DEPDC1B: variants seen among roughly 807,000 people sequenced by gnomAD.
DEPDC1B encodes DEP domain containing 1B.
Under a neutral mutation model 66.5 loss-of-function variants are expected in DEPDC1B, and 51 were observed. The observed-to-expected ratio is 0.77, with a 90% CI of 0.61 to 0.97. The LOEUF is 0.97. DEPDC1B is among the 50% of genes least tolerant of loss of function. DEPDC1B has a pLI of 0.00. For missense variants in DEPDC1B, 552 were observed against 637.1 expected (o/e 0.87, Z 1.44); for synonymous variants, 226 against 223.6 (o/e 1.01, Z -0.10).
At chr5:60,617,007 T>C (rs561280709) in intron 7 of DEPDC1B, among the ~76,000 whole-genome samples, 1 of 152,286 alleles carries the variant, frequency 6.6e-6, no homozygotes, top group East Asian at 1.9e-4. Context: ...GAAAGAATTT[T>C]CAACCCAGAA....
intron 2 of DEPDC1B, among the ~76,000 whole-genome samples, chr5:60,651,895 T>A (rs1382726044): frequency 1.3e-5 from 2 of 152,212 alleles, no homozygotes; most frequent in Admixed American, 1.3e-4. Flanking sequence ...GTTTCTTTTA[T>A]AACAGCTGCA....
At chr5:60,624,238 C>T (rs1752765425) in intron 7 of DEPDC1B, among the ~76,000 whole-genome samples, 2 of 152,084 alleles carry the variant, frequency 1.3e-5, no homozygotes, top group Admixed American at 1.3e-4. Flanking sequence ...TTTCTGCAAT[C>T]GTTGAGATGG....
At chr5:60,698,904 G>A (rs891273038) in intron 1 of DEPDC1B, among the ~76,000 whole-genome samples, 4 of 152,030 alleles carry the variant, frequency 2.6e-5, no homozygotes, top group Admixed American at 1.3e-4. Flanking sequence ...GACCTCAAGC[G>A]ATCCATCCCC....
At chr5:60,642,612 A>G (rs1043995069) in intron 6 of DEPDC1B, among the ~76,000 whole-genome samples, 200 bp downstream of exon 6, 2 of 152,194 alleles carry the variant, frequency 1.3e-5, no homozygotes, top group African/African-American at 4.8e-5. Context: ...AGAAGTACTA[A>G]ATCCCTTTAA....
chr5:60,651,606 G>C (rs1369686427), intron 2 of DEPDC1B, among the ~76,000 whole-genome samples: 1 of 151,724 alleles, frequency 6.6e-6, no homozygotes, highest in Non-Finnish European at 1.5e-5. Flanking sequence ...GTTTGACATA[G>C]TTTTATTACA....
At chr5:60,605,893 C>G in intron 7 of DEPDC1B, 37 bp from the exon 8 acceptor site, 1 of 1,559,976 alleles carries the variant, frequency 6.4e-7, no homozygotes, top group Non-Finnish European at 8.7e-7. Flanking sequence ...CTTTCAACAC[C>G]TATAGCCTAG....
chr5:60,648,578 C>T (rs116730185), intron 2 of DEPDC1B, among the ~76,000 whole-genome samples: 71 of 152,268 alleles, frequency 4.7e-4, no homozygotes, highest in African/African-American at 1.7e-3. Flanking sequence ...TATGATTTCT[C>T]ATCTTCAAAT....
chr5:60,638,827 G>T lies in DEPDC1B; in HGVS notation c.821C>A (p.Thr274Asn). The T allele has an allele frequency of 6.2e-6, 10 of 1,613,234 alleles. No individual in the cohort carries two copies. In the South Asian group the frequency reaches 1.1e-4, roughly 18 times the overall value. Residue 274 changes from threonine (T) to asparagine (N), a missense_variant, in exon 7 of 11, where the codon ACC becomes AAC. Thr to Asn is a moderately conservative substitution (Grantham distance 65). Coordinates refer to ENST00000265036, the MANE Select transcript of DEPDC1B (RefSeq NM_018369.3). ...CAAGTGACCATAGTAATCAGCTATGGTTTTAAAGACATCTTTTTCAAATCC... is the reference window on the plus strand; with the variant it reads ...CAAGTGACCATAGTAATCAGCTATGTTTTTAAAGACATCTTTTTCAAATCC... ...YLGFEKDVFK[T>N]IADYYGHLKE...
At chr5:60,644,668 G>T in intron 5 of DEPDC1B, 77 bp downstream of exon 5, 3 of 1,248,658 alleles carry the variant, frequency 2.4e-6, no homozygotes, top group Non-Finnish European at 3.3e-6. Context: ...TTTAGGGAAG[G>T]GTCAGAAAGG....
chr5:60,676,355 T>C (rs2112001996), intron 2 of DEPDC1B, among the ~76,000 whole-genome samples: 1 of 151,786 alleles, frequency 6.6e-6, no homozygotes, highest in East Asian at 1.9e-4. Context: ...GTTGTACACA[T>C]GTACTCTAGA....
chr5:60,597,455 A>C lies in DEPDC1B; in HGVS notation c.*298T>G, dbSNP rs1276326760. On this transcript the variant is annotated 3_prime_UTR_variant, in exon 11 of 11. Coordinates refer to ENST00000265036, the MANE Select transcript of DEPDC1B (RefSeq NM_018369.3). ...ACAATTATTTAATAAACACCATGAA[A>C]AAGAAAGCACAGAGATAAAAATACC... 1 of 254,990 alleles carries C rather than the reference A, an allele frequency of 3.9e-6. No individual in the cohort carries two copies. Among genetic ancestry groups the C allele is most frequent in the African/African-American group, 2.3e-5 (1 of 43,096 alleles). The allele number at this position is 254,990 out of a possible 1,614,324, so 15.8% of individuals were successfully genotyped here.
At chr5:60,614,025 T>C (rs1185395982) in intron 7 of DEPDC1B, among the ~76,000 whole-genome samples, 1 of 152,206 alleles carries the variant, frequency 6.6e-6, no homozygotes, top group Non-Finnish European at 1.5e-5. Flanking sequence ...AACCATTCTC[T>C]GCTACACCTC....
At chr5:60,621,936 T>C (rs530493332) in intron 7 of DEPDC1B, among the ~76,000 whole-genome samples, 1 of 152,186 alleles carries the variant, frequency 6.6e-6, no homozygotes, top group Non-Finnish European at 1.5e-5. Flanking sequence ...TGCTTTTGAC[T>C]TCTTTATTAC....
At chr5:60,682,101 G>GA (rs895629233) in intron 2 of DEPDC1B, among the ~76,000 whole-genome samples, 3 of 151,946 alleles carry the variant, frequency 2.0e-5, no homozygotes, top group African/African-American at 4.8e-5. Context: ...TAAAAATGAA[G>GA]AAAAAACCAA....
intron 1 of DEPDC1B, chr5:60,688,978 T>C (rs1301116225): frequency 8.8e-6 from 4 of 455,982 alleles, no homozygotes; most frequent in African/African-American, 8.0e-5. Flanking sequence ...CTGCTGGCCA[T>C]GCTCACCACA....
At chr5:60,669,008 A>C (rs1251100831) in intron 2 of DEPDC1B, among the ~76,000 whole-genome samples, 1 of 152,236 alleles carries the variant, frequency 6.6e-6, no homozygotes, top group Non-Finnish European at 1.5e-5. Context: ...ACATTTGTAC[A>C]CTGAAGAAAT....
chr5:60,659,432 A>T (rs558468518), intron 2 of DEPDC1B, among the ~76,000 whole-genome samples: 1 of 152,260 alleles, frequency 6.6e-6, no homozygotes, highest in Non-Finnish European at 1.5e-5. Context: ...TGCTGGACTT[A>T]AGACTCAGGT....
rs139014102 is a variant in DEPDC1B, at chr5:60,624,718, C to T, written c.898+14032G>A. On this transcript the variant is annotated intron_variant, in intron 7 of 10. Transcript: ENST00000265036. ...TTAATTACATGTCACCCTTGACATA[C>T]ATGTTATTTTATTATTATTATACTT... 1.4e-3 allele frequency among the ~76,000 whole-genome samples: 213 copies of T among 152,188 alleles called. 3 individuals are homozygous for T. Among genetic ancestry groups the T allele is most frequent in the Admixed American group, 0.01 (158 of 15,274 alleles).
chr5:60,599,023 C>A (rs1433485829), intron 10 of DEPDC1B, 52 bp downstream of exon 10: 90 of 1,226,354 alleles, frequency 7.3e-5, no homozygotes, highest in Admixed American at 2.5e-4. Flanking sequence ...AAAAAAAAAA[C>A]ATAAAAACAG....
Sources: allele counts gnomAD v4.1 joint callset (sites outside exome capture counted in the v4.1 genomes callset), GRCh38; gene constraint gnomAD v4.1.1; transcripts MANE v1.5; gene names NCBI Gene and HGNC (gene_info 2026-07-23, HGNC 2026-07-21).